The following CYP3A4 variants were observed in gnomAD, a reference collection of about 807,000 sequenced individuals.
CYP3A4 encodes the protein cytochrome P450 3A4.
Under a neutral mutation model 54.9 loss-of-function variants are expected in CYP3A4, and 41 were observed. That is an observed-to-expected ratio of 0.75 (90% CI 0.58 to 0.97). CYP3A4 has a LOEUF of 0.97. Among genes scored for constraint, CYP3A4 ranks in the 50% least tolerant of loss-of-function variants. The pLI, the probability that CYP3A4 is intolerant of heterozygous loss-of-function variation, is 0.00. For synonymous variants in CYP3A4, 179 were observed against 205.2 expected, an observed-to-expected ratio of 0.87 and a Z score of 1.09; for missense variants, 510 against 597.3, an observed-to-expected ratio of 0.85 and a Z score of 1.52.
chr7:99,759,840 CA>C (rs1008173779), intron 12 of CYP3A4, among the ~76,000 whole-genome samples: 3 of 143,664 alleles, frequency 2.1e-5, no homozygotes, highest in African/African-American at 3.0e-5. Flanking sequence ...AAGGGAACAA[CA>C]TTTTTTTTTT....
At chr7:99,772,845 A>T (rs1234150433) in intron 3 of CYP3A4, among the ~76,000 whole-genome samples, 156 bp from the exon 4 acceptor site, 2 of 152,188 alleles carry the variant, frequency 1.3e-5, no homozygotes, top group Non-Finnish European at 2.9e-5. Flanking sequence ...TATGACACAC[A>T]GCAAGAGTCT....
intron 7 of CYP3A4, 102 bp downstream of exon 7, chr7:99,768,252 C>T: frequency 7.9e-7 from 1 of 1,268,338 alleles, no homozygotes; most frequent in South Asian, 1.3e-5. Context: ...AATCACTGAA[C>T]TGTATATTTT....
chr7:99,782,626 A>G (rs1022882395), intron 1 of CYP3A4, among the ~76,000 whole-genome samples: 1 of 152,100 alleles, frequency 6.6e-6, no homozygotes, highest in Non-Finnish European at 1.5e-5. Context: ...GACCTCCACT[A>G]CGGGGCCAGG....
chr7:99,782,932 C>G (rs567222881), intron 1 of CYP3A4, among the ~76,000 whole-genome samples: 1 of 152,096 alleles, frequency 6.6e-6, no homozygotes. Context: ...ATTTTACACA[C>G]ATTTATTGTA....
chr7:99,783,958 T>A (rs371088962), intron 1 of CYP3A4, 53 bp downstream of exon 1: 9 of 1,570,192 alleles, frequency 5.7e-6, no homozygotes, highest in African/African-American at 1.4e-5. Context: ...AGAGGCCTGA[T>A]TAGCACCCCA....
Position 99,779,873 on chromosome 7 carries a change from ACT to A in CYP3A4, c.165+117_165+118del, listed in dbSNP as rs976958799. On this transcript the variant is annotated intron_variant, in intron 2 of 12. Coordinates refer to ENST00000651514, the MANE Select transcript of CYP3A4 (RefSeq NM_017460.6). Reference sequence around the variant, plus strand: ...GCCATGTTCTGGGTGATGCCTACACACTGTTTCTGAAAGTGTAAAACTTCAGA... The same window carrying A: ...GCCATGTTCTGGGTGATGCCTACACAGTTTCTGAAAGTGTAAAACTTCAGA... The A allele has an allele frequency of 3.3e-6, 3 of 915,584 alleles. No individual in the cohort carries two copies. The African/African-American group carries it at 5.1e-5, about 15-fold the overall frequency. The allele number at this position is 915,584 out of a possible 1,614,324, so 56.7% of individuals were successfully genotyped here.
intron 3 of CYP3A4, among the ~76,000 whole-genome samples, chr7:99,773,667 T>A (rs145390637): frequency 0.018 from 2,719 of 152,296 alleles, 77 homozygotes; most frequent in African/African-American, 0.06. Context: ...AGGCACAATG[T>A]ACCAGAATCT....
chr7:99,757,809 T>C lies in CYP3A4; in HGVS notation c.*324A>G. The C allele has an allele frequency of 4.5e-6, 1 of 224,240 alleles. No homozygotes were observed. Among genetic ancestry groups the C allele is most frequent in the South Asian group, 9.4e-5 (1 of 10,684 alleles). The allele number at this position is 224,240 out of a possible 1,614,324, so 13.9% of individuals were successfully genotyped here. A position where few individuals can be genotyped will look rare whatever the true frequency, so the allele number is the denominator to read the frequency against. ...TTCATTAATAATTTGTGGAGGAAATTATTGAGAAATGTTGATTCTCTTATC... is the reference window on the plus strand; with the variant it reads ...TTCATTAATAATTTGTGGAGGAAATCATTGAGAAATGTTGATTCTCTTATC... On this transcript the variant is annotated 3_prime_UTR_variant, in exon 13 of 13. Transcript: ENST00000651514.
intron 1 of CYP3A4, among the ~76,000 whole-genome samples, chr7:99,783,049 C>A (rs1383092634): frequency 6.6e-6 from 1 of 152,156 alleles, no homozygotes; most frequent in Non-Finnish European, 1.5e-5. Context: ...TAAGCCATAT[C>A]AATTAGTGTT....
intron 2 of CYP3A4, among the ~76,000 whole-genome samples, chr7:99,778,825 T>A (rs1563045348): frequency 1.3e-5 from 2 of 152,222 alleles, no homozygotes; most frequent in African/African-American, 2.4e-5. Flanking sequence ...CCCAGGAATG[T>A]GCATCTTGGG....
Position 99,757,872 on chromosome 7 carries a change from G to A in CYP3A4, c.*261C>T. The A allele has an allele frequency of 2.5e-6, 1 of 394,146 alleles. No homozygotes were observed. Among genetic ancestry groups the A allele is most frequent in the Admixed American group, 3.9e-5 (1 of 25,530 alleles). The allele number at this position is 394,146 out of a possible 1,614,324, so 24.4% of individuals were successfully genotyped here. ...GAGTTAATGGTGCTAACTGGGGGTG[G>A]TGGAAATAGTCCCGTGAGAAGCAGA... On this transcript the variant is annotated 3_prime_UTR_variant, in exon 13 of 13. Transcript: ENST00000651514.
At chr7:99,769,948 C>T (rs1815585988) in intron 5 of CYP3A4, 92 bp from the exon 6 acceptor site, 1 of 1,595,370 alleles carries the variant, frequency 6.3e-7, no homozygotes, top group Non-Finnish European at 8.6e-7. Context: ...CAGTAAGTGA[C>T]ATTTTATAAT....
At chr7:99,778,632 G>A (rs754638390) in intron 2 of CYP3A4, among the ~76,000 whole-genome samples, 1 of 152,208 alleles carries the variant, frequency 6.6e-6, no homozygotes, top group Non-Finnish European at 1.5e-5. Flanking sequence ...ACGAGTGACA[G>A]AATGACAAAG....
chr7:99,766,258 T>C (rs1312808904), intron 9 of CYP3A4, 119 bp downstream of exon 9: 1 of 1,192,502 alleles, frequency 8.4e-7, no homozygotes, highest in Non-Finnish European at 1.2e-6. Flanking sequence ...CATTCAAACA[T>C]GTGTCGTTCT....
chr7:99,784,077 G>T lies in CYP3A4; in HGVS notation c.5C>A (p.Ala2Asp), dbSNP rs371360704. Residue 2 changes from alanine to aspartate, a missense_variant, in exon 1 of 13, where the codon GCT becomes GAT. Coordinates refer to ENST00000651514, the MANE Select transcript of CYP3A4 (RefSeq NM_017460.6). The part of the protein sequence containing the change: M[A>D]LIPDLAMETW... ...TTCCATGGCCAAGTCTGGGATGAGA[G>T]CCATCACTACTTTCCTTACTTATCT... 5 of 1,613,706 alleles carry T rather than the reference G, an allele frequency of 3.1e-6. No individual in the cohort carries two copies. Among genetic ancestry groups the T allele is most frequent in the East Asian group, 2.2e-5 (1 of 44,872 alleles).
intron 3 of CYP3A4, among the ~76,000 whole-genome samples, chr7:99,773,761 A>G (rs1382214373): frequency 1.3e-5 from 2 of 152,222 alleles, no homozygotes; most frequent in Admixed American, 6.5e-5. Context: ...TCTAAAATTG[A>G]CACAGTAACA....
At chr7:99,773,590 A>G (rs933858313) in intron 3 of CYP3A4, among the ~76,000 whole-genome samples, 2 of 152,238 alleles carry the variant, frequency 1.3e-5, no homozygotes, top group African/African-American at 4.8e-5. Context: ...TTGCTCCTGA[A>G]TGACTACTGG....
chr7:99,763,770 A>G, intron 10 of CYP3A4, 85 bp downstream of exon 10: 1 of 1,505,332 alleles, frequency 6.6e-7, no homozygotes, highest in African/African-American at 1.4e-5. Context: ...TATGCTTTTT[A>G]TAAAAATTCT....
At position 99,775,566 on chromosome 7, in the gene CYP3A4, A is replaced by G. The variant is rs182800331; in HGVS notation, c.218+2462T>C. 2.0e-5 allele frequency among the ~76,000 whole-genome samples: 3 copies of G among 152,334 alleles called. No individual in the cohort carries two copies. In the East Asian group the frequency reaches 5.8e-4, roughly 29 times the overall value. ...ATCTACTACCATCTGATGTTTGACA[A>G]ACCTGACACACAAAAGCAATGGGGA... On this transcript the variant is annotated intron_variant, in intron 3 of 12. Coordinates refer to ENST00000651514, the MANE Select transcript of CYP3A4 (RefSeq NM_017460.6).
Sources: gnomAD v4.1 joint callset for allele counts (sites outside exome capture counted in the v4.1 genomes callset) on GRCh38, gnomAD v4.1.1 for gene constraint, MANE v1.5 for transcripts, NCBI Gene and HGNC (gene_info 2026-07-23, HGNC 2026-07-21) for gene names.